ELAVL3: variants seen among roughly 807,000 people sequenced by gnomAD.
The protein encoded by ELAVL3 is ELAV-like protein 3.
A neutral mutation model predicts 34.2 loss-of-function variants in ELAVL3; 8 were observed. The ratio of observed to expected loss-of-function variants is 0.23; its 90% CI spans 0.14 to 0.42. The LOEUF (loss-of-function observed/expected upper bound fraction) is 0.42. ELAVL3 is among the 10% of genes least tolerant of loss of function. ELAVL3 has a pLI of 1.00. For missense variants in ELAVL3, 273 were observed against 518.8 expected (o/e 0.53, Z 4.60); for synonymous variants, 209 against 222.1 (o/e 0.94, Z 0.53).
At chr19:11,460,385 C>A (rs760735776) in intron 3 of ELAVL3, among the ~76,000 whole-genome samples, 1 of 150,434 alleles carries the variant, frequency 6.6e-6, no homozygotes, top group Admixed American at 6.6e-5. Flanking sequence ...AGCCAGAGGG[C>A]GCCTGTGAAC....
intron 3 of ELAVL3, among the ~76,000 whole-genome samples, chr19:11,461,923 C>A (rs1453899765): frequency 1.3e-5 from 2 of 152,150 alleles, no homozygotes; most frequent in African/African-American, 4.8e-5. Flanking sequence ...CGCCTGTAAT[C>A]CCAGCATTTT....
intron 3 of ELAVL3, among the ~76,000 whole-genome samples, chr19:11,460,882 T>C (rs1367576284): frequency 6.6e-6 from 1 of 151,944 alleles, no homozygotes; most frequent in African/African-American, 2.4e-5. Context: ...TCAGGTGCAG[T>C]GGCTCATGGC....
Position 11,466,178 on chromosome 19 carries a change from G to T in ELAVL3, c.327C>A (p.Thr109=). ...TLNGLKLQTK[T]IKVSYARPSS... Reference sequence around the variant, plus strand: ...TGGAGAAGGAGGCACCAACCTTGATGGTCTTCGTCTGTAATTTGAGGCCGT... The same window carrying T: ...TGGAGAAGGAGGCACCAACCTTGATTGTCTTCGTCTGTAATTTGAGGCCGT... Residue 109 remains threonine, a synonymous_variant, in exon 3 of 7, where the codon ACC becomes ACA. Transcript: ENST00000359227. The surrounding 1 kb of genome is among the most constrained non-coding windows in gnomAD (Gnocchi z 5.0). 2 of 1,613,726 alleles carry T rather than the reference G, an allele frequency of 1.2e-6. No individual in the cohort carries two copies. Among genetic ancestry groups the T allele is most frequent in the Non-Finnish European group, 1.7e-6 (2 of 1,179,804 alleles).
At chr19:11,472,483 T>C (rs1445307313) in intron 1 of ELAVL3, among the ~76,000 whole-genome samples, 2 of 151,824 alleles carry the variant, frequency 1.3e-5, no homozygotes, top group East Asian at 3.9e-4. Context: ...GGAGGACTGG[T>C]TGAGCTCAGG....
chr19:11,473,910 T>G (rs645170), intron 1 of ELAVL3, among the ~76,000 whole-genome samples: 45,284 of 152,154 alleles, frequency 0.3, 11,347 homozygotes, highest in African/African-American at 0.69. Context: ...CCTGGGGTAG[T>G]AGCTAAAGCC....
rs1045180686 is a variant in ELAVL3, at chr19:11,452,451, A to G, written c.*2075T>C. The G allele has an allele frequency of 1.3e-5, 2 of 151,642 alleles. No individual in the cohort carries two copies. The highest frequency in any genetic ancestry group is 2.9e-5 in the Non-Finnish European group (2 of 67,940). 9.4% of individuals were successfully genotyped at this position (151,642 alleles called of 1,614,324 possible). A position where few individuals can be genotyped will look rare whatever the true frequency, so the allele number is the denominator to read the frequency against. The stretch of plus-strand genomic sequence containing the variant: ...TAAATTCAGCAAAAAAGTACAAGAA[A>G]GTTAACTGGTGCCAGTTTATGTCTT... On this transcript the variant is annotated 3_prime_UTR_variant, in exon 7 of 7. Coordinates refer to ENST00000359227, the MANE Select transcript of ELAVL3 (RefSeq NM_001420.4).
At chr19:11,464,934 T>C (rs1441366846) in intron 3 of ELAVL3, among the ~76,000 whole-genome samples, 92 of 45,290 alleles carry the variant, frequency 2.0e-3, no homozygotes, top group Admixed American at 3.4e-3. Context: ...ACCACACATA[T>C]ACACACACCA....
At position 11,466,579 on chromosome 19, in the gene ELAVL3, G is replaced by A; in HGVS notation, c.229+29C>T. 6.2e-7 allele frequency: 1 copy of A among 1,611,374 alleles called. No individual in the cohort carries two copies. Among genetic ancestry groups the A allele is most frequent in the Non-Finnish European group, 8.5e-7 (1 of 1,178,648 alleles). ...CTGTATTTCTGAGGCTACCACCTCT[G>A]TTCCTCCCCGCAACTCCAGCAGCCA... On this transcript the variant is annotated intron_variant, in intron 2 of 6. Coordinates refer to ENST00000359227, the MANE Select transcript of ELAVL3 (RefSeq NM_001420.4). This position sits in a 1 kb window ranked among gnomAD's most constrained non-coding sequence, Gnocchi z 5.0.
chr19:11,465,596 G>A (rs1599541023), intron 3 of ELAVL3, among the ~76,000 whole-genome samples: 1 of 132,030 alleles, frequency 7.6e-6, no homozygotes, highest in Non-Finnish European at 1.5e-5. Context: ...CCACCCCCCC[G>A]ACCCTGGCTT....
At chr19:11,467,553 G>A (rs1349801597) in intron 1 of ELAVL3, among the ~76,000 whole-genome samples, 2 of 151,186 alleles carry the variant, frequency 1.3e-5, no homozygotes, top group South Asian at 2.1e-4. Context: ...GTGCGATCTC[G>A]GCTTGCTGCA....
intron 1 of ELAVL3, among the ~76,000 whole-genome samples, chr19:11,469,720 TGAG>T (rs1971126208): frequency 6.6e-6 from 1 of 152,216 alleles, no homozygotes; most frequent in African/African-American, 2.4e-5. Context: ...ACATATATGT[TGAG>T]GAGGACATGC....
In ELAVL3 at chr19:11,465,205, CACAT is replaced by C. The variant is rs1007232599; in HGVS notation, c.333+963_333+966del. On this transcript the variant is annotated intron_variant, in intron 3 of 6. Coordinates refer to ENST00000359227, the MANE Select transcript of ELAVL3 (RefSeq NM_001420.4). ...ACACGTAATACACCTACACGCCACACACATACACACACACCACACACATACACAC... is the reference window on the plus strand; with the variant it reads ...ACACGTAATACACCTACACGCCACACACACACACACCACACACATACACAC... 1.5e-4 allele frequency among the ~76,000 whole-genome samples: 21 copies of C among 142,862 alleles called. No individual in the cohort carries two copies. In the East Asian group the frequency reaches 2.6e-3, roughly 18 times the overall value. The allele number at this position is 142,862 out of a possible 152,430, so 93.7% of individuals were successfully genotyped here. A position where few individuals can be genotyped will look rare whatever the true frequency, so the allele number is the denominator to read the frequency against.
At chr19:11,464,960 CGCACCAG>C (rs1971000860) in intron 3 of ELAVL3, among the ~76,000 whole-genome samples, 1 of 120,064 alleles carries the variant, frequency 8.3e-6, no homozygotes, top group African/African-American at 3.5e-5. Flanking sequence ...ACCACACACA[CGCACCAG>C]ACACACACAT....
rs557331764 is a variant in ELAVL3, at chr19:11,466,792, C to A, written c.45G>T (p.Gly15=). The change falls in exon 2 of 7, where the codon GGG becomes GGT. Residue 15 remains glycine (G), a synonymous_variant. Transcript: ENST00000359227. The surrounding 1 kb of genome is among the most constrained non-coding windows in gnomAD (Gnocchi z 5.0). The part of the protein sequence containing the change: ...ILGAMESQVG[G]GPAGPALPNG... Reference sequence around the variant, plus strand: ...TGGGCAGGGCCGGGCCGGCCGGGCCCCCCCCCACCTGAGACTCCATGGCCC... The same window carrying A: ...TGGGCAGGGCCGGGCCGGCCGGGCCACCCCCCACCTGAGACTCCATGGCCC... The A allele has an allele frequency of 6.2e-6, 10 of 1,612,176 alleles. No homozygotes were observed. Among genetic ancestry groups the A allele is most frequent in the Admixed American group, 1.7e-5 (1 of 59,536 alleles).
intron 1 of ELAVL3, among the ~76,000 whole-genome samples, chr19:11,476,523 G>A (rs1310953668): frequency 3.3e-5 from 5 of 151,424 alleles, no homozygotes; most frequent in African/African-American, 9.8e-5. Context: ...CAGCCTAGGC[G>A]AGAGGGTGAG....
Position 11,471,313 on chromosome 19 carries a change from AAAAAAAATTTTTTTTTTTGAG to A in ELAVL3, c.10-4507_10-4487del, listed in dbSNP as rs2144906299. ...CAACAGAGTGAGACTCCATCTCAAAAAAAAAAATTTTTTTTTTTGAGCCAGGCGCAGTGGCTCATGCCTGTA... is the reference window on the plus strand; with the variant it reads ...CAACAGAGTGAGACTCCATCTCAAAACCAGGCGCAGTGGCTCATGCCTGTA... On this transcript the variant is annotated intron_variant, in intron 1 of 6. Coordinates refer to ENST00000359227, the MANE Select transcript of ELAVL3 (RefSeq NM_001420.4). Among the ~76,000 whole-genome samples the A allele has an allele frequency of 4.7e-5, 7 of 148,728 alleles. 1 individual carries two copies. The East Asian group carries it at 1.4e-3, about 30-fold the overall frequency.
intron 3 of ELAVL3, among the ~76,000 whole-genome samples, chr19:11,464,084 C>A (rs1382843416): frequency 6.9e-6 from 1 of 145,086 alleles, no homozygotes; most frequent in East Asian, 2.0e-4. Context: ...CCTCTCTCTC[C>A]CTCCCTCTCT....
At chr19:11,476,924 A>G (rs1006692276) in intron 1 of ELAVL3, among the ~76,000 whole-genome samples, 7 of 151,986 alleles carry the variant, frequency 4.6e-5, no homozygotes, top group Non-Finnish European at 8.8e-5. Flanking sequence ...AAAATAAAAA[A>G]TAAAAAAAAA....
At position 11,458,165 on chromosome 19, in the gene ELAVL3, C is replaced by T. The variant is rs547655016; in HGVS notation, c.609G>A (p.Ala203=). The T allele has an allele frequency of 3.1e-6, 5 of 1,614,044 alleles. No homozygotes were observed. Among genetic ancestry groups the T allele is most frequent in the Admixed American group, 3.3e-5 (2 of 60,016 alleles). Residue 203 remains alanine, a synonymous_variant, in exon 5 of 7, where the codon GCG becomes GCA. Coordinates refer to ENST00000359227, the MANE Select transcript of ELAVL3 (RefSeq NM_001420.4). The surrounding 1 kb of genome is among the most constrained non-coding windows in gnomAD (Gnocchi z 7.3). ...GCCCCGTCTTCTGACTTGGGTTGTTCGCGAACTTGACTGTGATGGGCTCAG... is the reference window on the plus strand; with the variant it reads ...GCCCCGTCTTCTGACTTGGGTTGTTTGCGAACTTGACTGTGATGGGCTCAG... The part of the protein sequence containing the change: ...GAAEPITVKF[A]NNPSQKTGQA...
Sources: gnomAD v4.1 joint callset for allele counts (sites outside exome capture counted in the v4.1 genomes callset) on GRCh38, gnomAD v4.1.1 for gene constraint, Gnocchi (gnomAD v3.1) non-coding constraint, MANE v1.5 for transcripts, NCBI Gene and HGNC (gene_info 2026-07-23, HGNC 2026-07-21) for gene names.